The following CCDC25 variants were observed in gnomAD, a reference collection of about 807,000 sequenced individuals.
CCDC25 encodes the protein coiled-coil domain containing 25, also known as coiled-coil domain-containing protein 25.
A neutral mutation model predicts 35.3 loss-of-function variants in CCDC25; 16 were observed. The observed-to-expected ratio is 0.45, with a 90% CI of 0.31 to 0.69. The LOEUF is 0.69. Among genes scored for constraint, CCDC25 ranks in the 30% least tolerant of loss-of-function variants. The pLI is 0.06. For synonymous variants in CCDC25, 79 were observed against 80.3 expected, an observed-to-expected ratio of 0.98 and a Z score of 0.09; for missense variants, 179 against 250.7, an observed-to-expected ratio of 0.71 and a Z score of 1.93.
intron 7 of CCDC25, among the ~76,000 whole-genome samples, chr8:27,745,433 C>T (rs900915185): frequency 3.9e-5 from 6 of 152,122 alleles, no homozygotes; most frequent in Non-Finnish European, 5.9e-5. Flanking sequence ...CTTCTGGTTT[C>T]GACATCTACA....
chr8:27,741,298 A>G (rs1238094606), intron 7 of CCDC25, among the ~76,000 whole-genome samples: 1 of 152,230 alleles, frequency 6.6e-6, no homozygotes, highest in African/African-American at 2.4e-5. Flanking sequence ...AAAACAGAAA[A>G]TGATGACTAA....
At chr8:27,754,486 G>A (rs1393662687) in intron 4 of CCDC25, 1 of 152,344 alleles carries the variant, frequency 6.6e-6, no homozygotes, top group Non-Finnish European at 1.5e-5. Flanking sequence ...GGAAAATGAT[G>A]TGTTTTTGTT....
intron 1 of CCDC25, among the ~76,000 whole-genome samples, chr8:27,769,324 CA>C (rs1804507855): frequency 6.6e-6 from 1 of 152,194 alleles, no homozygotes; most frequent in Admixed American, 6.5e-5. Flanking sequence ...ACAGGACCCA[CA>C]AATCTAGTGA....
chr8:27,747,306 CAG>C (rs1803638105), intron 7 of CCDC25, among the ~76,000 whole-genome samples: 1 of 151,872 alleles, frequency 6.6e-6, no homozygotes, highest in Non-Finnish European at 1.5e-5. Context: ...AGTGGTCAGA[CAG>C]GGGGCTGTGA....
chr8:27,770,041 G>A (rs1042225468), intron 1 of CCDC25, among the ~76,000 whole-genome samples: 3 of 152,182 alleles, frequency 2.0e-5, no homozygotes, highest in African/African-American at 7.2e-5. Context: ...CTACTTGGGA[G>A]ACTGAGGCAG....
In CCDC25 at chr8:27,734,771, G is replaced by A. The variant is rs1020393969; in HGVS notation, c.*1445C>T. 6.6e-6 allele frequency: 1 copy of A among 152,202 alleles called. No individual in the cohort carries two copies. Among genetic ancestry groups the A allele is most frequent in the Admixed American group, 6.5e-5 (1 of 15,282 alleles). 9.4% of individuals were successfully genotyped at this position (152,202 alleles called of 1,614,324 possible). A position where few individuals can be genotyped will look rare whatever the true frequency, so the allele number is the denominator to read the frequency against. On this transcript the variant is annotated 3_prime_UTR_variant, in exon 9 of 9. Transcript: ENST00000356537. Reference sequence around the variant, plus strand: ...GTGTGAGGTACAGAGGAATTCTGTAGAAGCCGGACTCCTTGGAAGTATGGA... The same window carrying A: ...GTGTGAGGTACAGAGGAATTCTGTAAAAGCCGGACTCCTTGGAAGTATGGA...
chr8:27,769,986 A>C (rs1804531121), intron 1 of CCDC25, among the ~76,000 whole-genome samples: 1 of 152,176 alleles, frequency 6.6e-6, no homozygotes, highest in Admixed American at 6.5e-5. Context: ...TACTAACAAA[A>C]TACAAAAATT....
At chr8:27,760,834 C>A (rs1388100486) in intron 3 of CCDC25, among the ~76,000 whole-genome samples, 9 of 152,160 alleles carry the variant, frequency 5.9e-5, no homozygotes, top group Non-Finnish European at 1.3e-4. Flanking sequence ...CTTTAAAATT[C>A]CTTTGTTCTG....
chr8:27,752,694 A>C (rs1803855752), intron 4 of CCDC25, 107 bp from the exon 5 acceptor site: 2 of 747,068 alleles, frequency 2.7e-6, no homozygotes, highest in Non-Finnish European at 4.6e-6. Flanking sequence ...TTTTACTAAA[A>C]GCAGAGGTTC....
At chr8:27,769,831 G>A (rs187743525) in intron 1 of CCDC25, among the ~76,000 whole-genome samples, 49 of 152,288 alleles carry the variant, frequency 3.2e-4, no homozygotes, top group Non-Finnish European at 6.0e-4. Flanking sequence ...AAACAATGTG[G>A]AACTAGTTTC....
In CCDC25 at chr8:27,756,763, C is replaced by T; in HGVS notation, c.124G>A (p.Val42Met). The stretch of plus-strand genomic sequence containing the variant: ...ACATGAGCCGAAGAGAGTTTGTCCA[C>T]ATGAAACCTACAAAGAATGAAAACC... ...HGWPEDIWFHVDKLSSAHVYL... is the reference protein window; with the variant it reads ...HGWPEDIWFHMDKLSSAHVYL... The change falls in exon 4 of 9, where the codon GTG becomes ATG. Residue 42 changes from valine (V) to methionine (M), a missense_variant. Physicochemically the swap from Val to Met is conservative, Grantham distance 21. Coordinates refer to ENST00000356537, the MANE Select transcript of CCDC25 (RefSeq NM_018246.3). 1 of 1,611,930 alleles carries T rather than the reference C, an allele frequency of 6.2e-7. No individual in the cohort carries two copies. The highest frequency in any genetic ancestry group is 8.5e-7 in the Non-Finnish European group (1 of 1,178,082).
At chr8:27,743,844 T>C (rs546541216) in intron 7 of CCDC25, among the ~76,000 whole-genome samples, 6 of 152,276 alleles carry the variant, frequency 3.9e-5, no homozygotes, top group African/African-American at 1.4e-4. Flanking sequence ...CAGTGGGCTA[T>C]GATGGCACCC....
intron 1 of CCDC25, chr8:27,772,115 T>G (rs1228700255): frequency 8.9e-6 from 2 of 225,266 alleles, no homozygotes; most frequent in Non-Finnish European, 1.8e-5. Flanking sequence ...GGTGTCTCCT[T>G]TCTCACAGGG....
intron 1 of CCDC25, among the ~76,000 whole-genome samples, 179 bp downstream of exon 1, chr8:27,772,334 G>A (rs1804655892): frequency 6.6e-6 from 1 of 152,230 alleles, no homozygotes; most frequent in Admixed American, 6.5e-5. Flanking sequence ...AGGGGACGCC[G>A]GGGGAAATCC....
chr8:27,757,117 C>T (rs1483342442), intron 3 of CCDC25, among the ~76,000 whole-genome samples: 1 of 152,170 alleles, frequency 6.6e-6, no homozygotes, highest in Non-Finnish European at 1.5e-5. Flanking sequence ...TGGCCCCTGA[C>T]TGAAGCATAG....
intron 3 of CCDC25, among the ~76,000 whole-genome samples, chr8:27,757,364 C>T (rs575541447): frequency 2.0e-5 from 3 of 152,266 alleles, no homozygotes; most frequent in East Asian, 3.9e-4. Flanking sequence ...AAGCAGAACA[C>T]GTCATTAAAT....
chr8:27,749,118 C>A (rs1009922387), intron 5 of CCDC25, among the ~76,000 whole-genome samples: 1 of 152,262 alleles, frequency 6.6e-6, no homozygotes, highest in Middle Eastern at 3.4e-3. Context: ...CTTATAGTTT[C>A]TTCAGCAGTG....
chr8:27,737,396 C>T lies in CCDC25; in HGVS notation c.598-1151G>A, dbSNP rs977293647. Among the ~76,000 whole-genome samples, 10 of 152,228 alleles carry T rather than the reference C, an allele frequency of 6.6e-5. No homozygotes were observed. The East Asian group carries it at 7.7e-4, about 12-fold the overall frequency. On this transcript the variant is annotated intron_variant, in intron 8 of 8. Coordinates refer to ENST00000356537, the MANE Select transcript of CCDC25 (RefSeq NM_018246.3). The surrounding 1 kb of genome is among the most constrained non-coding windows in gnomAD (Gnocchi z 4.6). The stretch of plus-strand genomic sequence containing the variant: ...GTAAGACAGTCTGGGTTGTCATCAA[C>T]GAAAGTAAGCCATTCCCTATAAAGG...
intron 8 of CCDC25, among the ~76,000 whole-genome samples, chr8:27,740,257 T>C (rs893797637): frequency 2.6e-5 from 4 of 152,218 alleles, no homozygotes; most frequent in African/African-American, 9.6e-5. Context: ...TGACAATCTC[T>C]TTCCCTGAGA....
Sources: gnomAD v4.1 joint callset for allele counts (sites outside exome capture counted in the v4.1 genomes callset) on GRCh38, gnomAD v4.1.1 for gene constraint, Gnocchi (gnomAD v3.1) non-coding constraint, MANE v1.5 for transcripts, NCBI Gene and HGNC (gene_info 2026-07-23, HGNC 2026-07-21) for gene names.